Variants in PGGHG observed in about 807,000 individuals in gnomAD.
PGGHG encodes protein-glucosylgalactosylhydroxylysine glucosidase.
A neutral mutation model predicts 74.5 loss-of-function variants in PGGHG; 67 were observed. That is an observed-to-expected ratio of 0.90 (90% CI 0.74 to 1.10). The LOEUF is 1.10. PGGHG is among the 50% of genes least tolerant of loss of function. The pLI is 0.00. For missense variants in PGGHG, 1,034 were observed against 981.5 expected (o/e 1.05, Z -0.72); for synonymous variants, 496 against 419.9 (o/e 1.18, Z -2.21).
In PGGHG at chr11:294,733, A is replaced by T; in HGVS notation, c.2198A>T (p.Asp733Val). Residue 733 changes from aspartate (D) to valine (V), a missense_variant, in exon 14 of 14, where the codon GAC (aspartate) becomes GTC (valine). Asp to Val is a radical substitution (Grantham distance 152, BLOSUM62 -3). Coordinates refer to ENST00000409548, the MANE Select transcript of PGGHG (RefSeq NM_025092.5). The stretch of plus-strand genomic sequence containing the variant: ...AGCCCCACCGAGTCACTCACTGTGG[A>T]CCCTGCCTCTGAATAATCAGGAACG... The part of the protein sequence containing the change: ...SSSPTESLTV[D>V]PASE 6.2e-7 allele frequency: 1 copy of T among 1,600,644 alleles called. No homozygotes were observed. The highest frequency in any genetic ancestry group is 1.1e-5 in the South Asian group (1 of 90,616).
At chr11:293,317 A>G in intron 8 of PGGHG, 49 bp from the exon 9 acceptor site, 1 of 1,601,280 alleles carries the variant, frequency 6.2e-7, no homozygotes, top group Non-Finnish European at 8.5e-7. Flanking sequence ...GGCAGGCAGC[A>G]GCTGGAAGTG....
intron 9 of PGGHG, 36 bp from the exon 10 acceptor site, chr11:293,558 C>A (rs1845790629): frequency 1.2e-6 from 2 of 1,613,050 alleles, no homozygotes; most frequent in Non-Finnish European, 1.7e-6. Context: ...CGAGTCTGTC[C>A]TGGAACACCT....
rs1200085643 is a variant in PGGHG, at chr11:294,863, A to G, written c.*114A>G. 30 of 1,272,850 alleles carry G rather than the reference A, an allele frequency of 2.4e-5. No individual in the cohort carries two copies. The East Asian group carries it at 7.2e-4, about 31-fold the overall frequency. The allele number at this position is 1,272,850 out of a possible 1,614,324, so 78.8% of individuals were successfully genotyped here. A position where few individuals can be genotyped will look rare whatever the true frequency, so the allele number is the denominator to read the frequency against. On this transcript the variant is annotated 3_prime_UTR_variant, in exon 14 of 14. Coordinates refer to ENST00000409548, the MANE Select transcript of PGGHG (RefSeq NM_025092.5). ...ATCCCTCACCTGCAGCCAGGCTCTC[A>G]GGGAAGGTCCATGCTGCTTGGCCTG...
At position 294,530 on chromosome 11, in the gene PGGHG, C is replaced by CGAG. The variant is rs770270931; in HGVS notation, c.2021-26_2021-25insGAG. 1.9e-6 allele frequency: 3 copies of CGAG among 1,599,352 alleles called. No homozygotes were observed. In the African/African-American group the frequency reaches 4.0e-5, roughly 21 times the overall value. ...GCCTGCGACCCCAGGCTGCCCCTCACCCCCAGGCTGCCTCTCTCCCTGCAG... is the reference window on the plus strand; with the variant it reads ...GCCTGCGACCCCAGGCTGCCCCTCACGAGCCCCAGGCTGCCTCTCTCCCTGCAG... On this transcript the variant is annotated intron_variant, in intron 13 of 13. Coordinates refer to ENST00000409548, the MANE Select transcript of PGGHG (RefSeq NM_025092.5).
chr11:290,051 A>G lies in PGGHG; in HGVS notation c.235A>G (p.Thr79Ala). 1 of 1,539,168 alleles carries G rather than the reference A, an allele frequency of 6.5e-7. No individual in the cohort carries two copies. The highest frequency in any genetic ancestry group is 8.7e-7 in the Non-Finnish European group (1 of 1,144,586). ...AGGGATGGGGGAGCAGCTGACCGAG[A>G]CCTTCGCCCTGGACACCAACACAGG... is the stretch of plus-strand genomic sequence containing the variant. ...PAGMGEQLTE[T>A]FALDTNTGSF... The change falls in exon 2 of 14, where the codon ACC becomes GCC. Residue 79 changes from threonine (T) to alanine (A), a missense_variant. Thr to Ala is a moderately conservative substitution (Grantham distance 58, BLOSUM62 0). Coordinates refer to ENST00000409548, the MANE Select transcript of PGGHG (RefSeq NM_025092.5).
chr11:293,235 G>T lies in PGGHG; in HGVS notation c.1343G>T (p.Ser448Ile), dbSNP rs768249125. The change falls in exon 8 of 14, where the codon AGC (serine) becomes ATC (isoleucine). Residue 448 changes from serine (S) to isoleucine (I), a missense_variant and splice_region_variant. Transcript: ENST00000409548. ...TACACCAACGTCCTGGTCCAGAACA[G>T]GTCAGACACAAGATCCCCTCACCTC... is the stretch of plus-strand genomic sequence containing the variant. The part of the protein sequence containing the change: ...SVYTNVLVQN[S>I]LRFAAALAQD... The T allele has an allele frequency of 6.2e-7, 1 of 1,612,964 alleles. No homozygotes were observed. The highest frequency in any genetic ancestry group is 8.5e-7 in the Non-Finnish European group (1 of 1,179,754).
chr11:293,118 C>G (rs774605192), intron 7 of PGGHG, 45 bp from the exon 8 acceptor site: 9 of 1,613,786 alleles, frequency 5.6e-6, no homozygotes, highest in Non-Finnish European at 7.6e-6. Flanking sequence ...GAGGGAAGGC[C>G]TCTGAGACTC....
At position 292,924 on chromosome 11, in the gene PGGHG, G is replaced by A; in HGVS notation, c.1197G>A (p.Val399=). The change falls in exon 7 of 14, where the codon GTG becomes GTA. Residue 399 remains valine, a synonymous_variant. Transcript: ENST00000409548. ...QLFREAGGWD[V]VRAVAEFWCS... The stretch of plus-strand genomic sequence containing the variant: ...TTCGAGAGGCTGGTGGCTGGGACGT[G>A]GTCAGGGCTGTGGCCGAGTTTTGGT... 6.2e-7 allele frequency: 1 copy of A among 1,614,124 alleles called. No homozygotes were observed. Among genetic ancestry groups the A allele is most frequent in the Non-Finnish European group, 8.5e-7 (1 of 1,180,020 alleles).
Position 292,538 on chromosome 11 carries a change from C to G in PGGHG, c.1027-8C>G, listed in dbSNP as rs779005833. On this transcript the variant is annotated splice_region_variant and splice_polypyrimidine_tract_variant and intron_variant, in intron 5 of 13. Coordinates refer to ENST00000409548, the MANE Select transcript of PGGHG (RefSeq NM_025092.5). ...CAAGGTCAAGTCTGCCCCCTCCCAACCCCTCAGGGAGCCAAGTTTGCCTGG... is the reference window on the plus strand; with the variant it reads ...CAAGGTCAAGTCTGCCCCCTCCCAAGCCCTCAGGGAGCCAAGTTTGCCTGG... The G allele has an allele frequency of 6.2e-7, 1 of 1,612,934 alleles. No homozygotes were observed. The highest frequency in any genetic ancestry group is 8.5e-7 in the Non-Finnish European group (1 of 1,179,662).
rs960953592 is a variant in PGGHG at position 290,052 on chromosome 11, C to A, written c.236C>A (p.Thr79Asn). The A allele has an allele frequency of 1.9e-6, 3 of 1,538,846 alleles. No homozygotes were observed. The highest frequency in any genetic ancestry group is 2.6e-6 in the Non-Finnish European group (3 of 1,144,494). The change falls in exon 2 of 14, where the codon ACC becomes AAC. Residue 79 changes from threonine to asparagine, a missense_variant. Coordinates refer to ENST00000409548, the MANE Select transcript of PGGHG (RefSeq NM_025092.5). ...PAGMGEQLTE[T>N]FALDTNTGSF... ...GGGATGGGGGAGCAGCTGACCGAGACCTTCGCCCTGGACACCAACACAGGT... is the reference window on the plus strand; with the variant it reads ...GGGATGGGGGAGCAGCTGACCGAGAACTTCGCCCTGGACACCAACACAGGT...
At chr11:291,358 A>G in intron 4 of PGGHG, 1 of 491,026 alleles carries the variant, frequency 2.0e-6, no homozygotes, top group Non-Finnish European at 3.6e-6. Flanking sequence ...GCCTCCACCA[A>G]GGCGAGAAGG....
intron 6 of PGGHG, 84 bp from the exon 7 acceptor site, chr11:292,802 C>G: frequency 6.2e-7 from 1 of 1,608,412 alleles, no homozygotes; most frequent in Non-Finnish European, 8.5e-7. Context: ...GTCTCAATGC[C>G]AGGCCTTGCT....
rs1845832736 is a variant in PGGHG at position 294,867 on chromosome 11, A to G, written c.*118A>G. ...CTCACCTGCAGCCAGGCTCTCAGGGAAGGTCCATGCTGCTTGGCCTGAGTT... is the reference window on the plus strand; with the variant it reads ...CTCACCTGCAGCCAGGCTCTCAGGGGAGGTCCATGCTGCTTGGCCTGAGTT... On this transcript the variant is annotated 3_prime_UTR_variant, in exon 14 of 14. Transcript: ENST00000409548. 1.6e-6 allele frequency: 2 copies of G among 1,249,022 alleles called. No individual in the cohort carries two copies. Among genetic ancestry groups the G allele is most frequent in the East Asian group, 4.8e-5 (2 of 41,292 alleles). 77.4% of individuals were successfully genotyped at this position (1,249,022 alleles called of 1,614,324 possible).
chr11:294,349 G>C lies in PGGHG; in HGVS notation c.1891G>C (p.Gly631Arg). Residue 631 changes from glycine (G) to arginine (R), a missense_variant, in exon 13 of 14, where the codon GGG (glycine) becomes CGG (arginine). Coordinates refer to ENST00000409548, the MANE Select transcript of PGGHG (RefSeq NM_025092.5). ...GAGCGTCTCCGGCATCTTCTACCAG[G>C]GGAACAAGCTCAACTTCTCTTTTTC... ...RVSVSGIFYQ[G>R]NKLNFSFSED... The C allele has an allele frequency of 1.2e-6, 2 of 1,613,134 alleles. No homozygotes were observed. The highest frequency in any genetic ancestry group is 1.7e-6 in the Non-Finnish European group (2 of 1,179,956).
chr11:290,714 CGGGGGGCCACAGCAAGA>C lies in PGGHG; in HGVS notation c.510_526del (p.Gly171ThrfsTer17), dbSNP rs769592797. ...GCCACACCCTCACCCCTGAGCAGCC[CGGGGGGCCACAGCAAGA>C]GGTACACATGCTGTGGACACCAGCA... On this transcript the variant is annotated frameshift_variant, in exon 4 of 14. Transcript: ENST00000409548. LOFTEE classifies it high-confidence loss of function. 2.5e-6 allele frequency: 4 copies of C among 1,604,194 alleles called. No individual in the cohort carries two copies. The highest frequency in any genetic ancestry group is 3.3e-4 in the Middle Eastern group (2 of 6,004).
chr11:291,259 T>C (rs1157538548), intron 4 of PGGHG, 146 bp downstream of exon 4: 13 of 1,032,118 alleles, frequency 1.3e-5, no homozygotes, highest in Non-Finnish European at 1.8e-5. Context: ...TGCAGGAGTT[T>C]GGTAGAGGAG....
rs531189275 is a variant in PGGHG, at chr11:292,274, G to A, written c.1026+179G>A. Among the ~76,000 whole-genome samples, 6 of 152,100 alleles carry A rather than the reference G, an allele frequency of 3.9e-5. No homozygotes were observed. The East Asian group carries it at 9.7e-4, about 25-fold the overall frequency. On this transcript the variant is annotated intron_variant, in intron 5 of 13. Transcript: ENST00000409548. Reference sequence around the variant, plus strand: ...CCCTGCAGCCCGCACCTGAGAGAGAGGAGGTGGGAACCGCAGCGGGCTGGG... The same window carrying A: ...CCCTGCAGCCCGCACCTGAGAGAGAAGAGGTGGGAACCGCAGCGGGCTGGG...
chr11:293,079 G>C, intron 7 of PGGHG, 82 bp downstream of exon 7: 1 of 1,613,830 alleles, frequency 6.2e-7, no homozygotes, highest in Non-Finnish European at 8.5e-7. Flanking sequence ...CACCTCACGT[G>C]TGCCAGCCCC....
chr11:290,544 C>A lies in PGGHG; in HGVS notation c.414C>A (p.Phe138Leu). The change falls in exon 3 of 14, where the codon TTC becomes TTA. Residue 138 changes from phenylalanine to leucine, a missense_variant. By Grantham distance (22) the Phe-to-Leu change is conservative. Coordinates refer to ENST00000409548, the MANE Select transcript of PGGHG (RefSeq NM_025092.5). The part of the protein sequence containing the change: ...GPITLLLRSA[F>L]SPESPDLDLH... ...TCACGCTGCTCCTGCGGTCAGCCTT[C>A]TCCCCAGAAAGCCCAGACCTGGACC... The A allele has an allele frequency of 6.4e-7, 1 of 1,550,932 alleles. No individual in the cohort carries two copies.
Sources: gnomAD v4.1 joint callset for allele counts (sites outside exome capture counted in the v4.1 genomes callset) on GRCh38, gnomAD v4.1.1 for gene constraint, MANE v1.5 for transcripts, NCBI Gene and HGNC (gene_info 2026-07-23, HGNC 2026-07-21) for gene names.